Variants in SYNE1 observed in about 807,000 individuals in gnomAD.
SYNE1 encodes the protein nesprin-1.
Under a neutral mutation model 1,111.0 loss-of-function variants are expected in SYNE1, and 616 were observed. The ratio of observed to expected loss-of-function variants is 0.55; its 90% confidence interval spans 0.52 to 0.59. The LOEUF (loss-of-function observed/expected upper bound fraction) is 0.59. Ranked by LOEUF, SYNE1 falls within the 20% of genes least tolerant of loss-of-function variation. The pLI is 0.00. For synonymous variants in SYNE1, 3,855 were observed against 3,825.8 expected (o/e 1.01, Z -0.28); for missense variants, 10,006 against 10,417.0 (o/e 0.96, Z 1.72).
Position 152,398,697 on chromosome 6 carries a change from T to C in SYNE1, c.7272A>G (p.Gly2424=). The C allele has an allele frequency of 1.2e-6, 2 of 1,613,778 alleles. No homozygotes were observed. The highest frequency in any genetic ancestry group is 1.7e-6 in the Non-Finnish European group (2 of 1,179,842). Residue 2424 remains glycine, a synonymous_variant, in exon 49 of 146, where the codon GGA becomes GGG. Coordinates refer to ENST00000367255, the MANE Select transcript of SYNE1 (RefSeq NM_182961.4). Reference sequence around the variant, plus strand: ...ATGATTCTTTTGCTGCTGCCTTTGCTCCCAAAAACCATTCTTGGAATTCCT... The same window carrying C: ...ATGATTCTTTTGCTGCTGCCTTTGCCCCCAAAAACCATTCTTGGAATTCCT... ...SMQEFQEWFL[G]AKAAAKESSD...
intron 128 of SYNE1, among the ~76,000 whole-genome samples, chr6:152,182,754 G>A (rs1587088038): frequency 6.6e-6 from 1 of 152,122 alleles, no homozygotes; most frequent in South Asian, 2.1e-4. Flanking sequence ...GTATCCCAAG[G>A]CCAGCCTTAG....
intron 3 of SYNE1, among the ~76,000 whole-genome samples, chr6:152,622,460 C>A (rs1457411068): frequency 6.6e-6 from 1 of 152,062 alleles, no homozygotes; most frequent in Non-Finnish European, 1.5e-5. Flanking sequence ...TGTTGTTCCC[C>A]TCTATGTGTC....
chr6:152,145,149 T>C (rs563668664), intron 137 of SYNE1: 3 of 361,426 alleles, frequency 8.3e-6, no homozygotes, highest in Admixed American at 3.9e-5. Context: ...GCAGTGAAGC[T>C]GAAATTACCA....
Position 152,350,777 on chromosome 6 carries a change from T to C in SYNE1, c.11581-7A>G. On this transcript the variant is annotated splice_region_variant and splice_polypyrimidine_tract_variant and intron_variant, in intron 70 of 145. Coordinates refer to ENST00000367255, the MANE Select transcript of SYNE1 (RefSeq NM_182961.4). ...GCACCGTTTGTTGAAGTGACTTGAA[T>C]TACAAAGAAAAAAAAATGAGCCTGC... 6.4e-7 allele frequency: 1 copy of C among 1,564,258 alleles called. No individual in the cohort carries two copies. The highest frequency in any genetic ancestry group is 1.6e-5 in the African/African-American group (1 of 63,560).
intron 95 of SYNE1, among the ~76,000 whole-genome samples, chr6:152,288,597 A>C (rs1329000927): frequency 6.6e-6 from 1 of 152,172 alleles, no homozygotes; most frequent in African/African-American, 2.4e-5. Context: ...CCCAGGCTGG[A>C]GTGCAGTGGC....
chr6:152,315,891 G>A (rs1037127967), intron 87 of SYNE1: 1 of 152,116 alleles, frequency 6.6e-6, no homozygotes, highest in Non-Finnish European at 1.5e-5. Flanking sequence ...TCCAAAAATG[G>A]AAAAATGAGG....
intron 29 of SYNE1, among the ~76,000 whole-genome samples, chr6:152,445,559 C>T (rs2098577562): frequency 6.6e-6 from 1 of 151,960 alleles, no homozygotes; most frequent in Non-Finnish European, 1.5e-5. Flanking sequence ...TTTTCTTTGA[C>T]TCTCTTCTGA....
At position 152,148,304 on chromosome 6, in the gene SYNE1, G is replaced by A; in HGVS notation, c.24717C>T (p.His8239=). ...GGCTGTCTGCAGAGCGGTCGTGCCA[G>A]TGCAGGTCCGACAGAGCTGCAGAGT... ...LEDSAALSDL[H]WHDRSADSLL... The change falls in exon 137 of 146, where the codon CAC becomes CAT. Residue 8239 remains histidine, a synonymous_variant. Coordinates refer to ENST00000367255, the MANE Select transcript of SYNE1 (RefSeq NM_182961.4). This position sits in a 1 kb window ranked among gnomAD's most constrained non-coding sequence, Gnocchi z 4.1. 6.2e-7 allele frequency: 1 copy of A among 1,614,080 alleles called. No individual in the cohort carries two copies. The highest frequency in any genetic ancestry group is 8.5e-7 in the Non-Finnish European group (1 of 1,179,972).
intron 145 of SYNE1, among the ~76,000 whole-genome samples, chr6:152,124,820 A>T (rs1186838138): frequency 1.3e-5 from 2 of 152,252 alleles, no homozygotes; most frequent in Non-Finnish European, 2.9e-5. Flanking sequence ...ATGTTGAGAC[A>T]GGGCCTTAGA....
intron 73 of SYNE1, among the ~76,000 whole-genome samples, chr6:152,344,926 T>C (rs574853232): frequency 6.6e-6 from 1 of 152,344 alleles, no homozygotes; most frequent in South Asian, 2.1e-4. Context: ...CTGGGATGTT[T>C]CCATTTAGGA....
Position 152,179,974 on chromosome 6 carries a change from C to T in SYNE1, c.23460+162G>A, listed in dbSNP as rs117399856. Among the ~76,000 whole-genome samples, 1,197 of 152,074 alleles carry T rather than the reference C, an allele frequency of 7.9e-3. 10 individuals are homozygous for T. The highest frequency in any genetic ancestry group is 0.012 in the Non-Finnish European group (793 of 67,980). On this transcript the variant is annotated intron_variant, in intron 129 of 145. Transcript: ENST00000367255. ...CTGGGATTACAGGCGTGAGCCACTG[C>T]GCCCAGCTGCAAGTTTATTTTATAT...
At chr6:152,634,720 G>T (rs1315128295) in intron 2 of SYNE1, among the ~76,000 whole-genome samples, 1 of 152,216 alleles carries the variant, frequency 6.6e-6, no homozygotes, top group Non-Finnish European at 1.5e-5. Context: ...CAGCATGAAA[G>T]ATGTTCAGTG....
intron 11 of SYNE1, among the ~76,000 whole-genome samples, chr6:152,490,149 TA>T (rs2098962589): frequency 6.6e-6 from 1 of 152,238 alleles, no homozygotes; most frequent in African/African-American, 2.4e-5. Context: ...AACAGCTATT[TA>T]AATAGCATTT....
intron 127 of SYNE1, among the ~76,000 whole-genome samples, chr6:152,192,585 C>G (rs986565230): frequency 1.3e-5 from 2 of 152,080 alleles, no homozygotes; most frequent in African/African-American, 4.8e-5. Flanking sequence ...GATTCTCCCA[C>G]CTCAGCCTCT....
At chr6:152,171,912 C>T (rs1266013039) in intron 130 of SYNE1, among the ~76,000 whole-genome samples, 7 of 152,198 alleles carry the variant, frequency 4.6e-5, no homozygotes, top group Non-Finnish European at 8.8e-5. Context: ...TGGTCCTCTA[C>T]AGAAAACATT....
chr6:152,312,096 T>C (rs1982820), intron 87 of SYNE1, among the ~76,000 whole-genome samples: 126,468 of 152,178 alleles, frequency 0.83, 52,753 homozygotes, highest in East Asian at 0.99. Flanking sequence ...CGATAGACTT[T>C]TTTTAATGAA....
intron 130 of SYNE1, among the ~76,000 whole-genome samples, chr6:152,167,495 G>A (rs1324451): frequency 0.61 from 93,081 of 151,984 alleles, 28,987 homozygotes; most frequent in East Asian, 0.88. Flanking sequence ...TATTCTAACT[G>A]AAAAAAATCA....
chr6:152,236,944 C>G lies in SYNE1; in HGVS notation c.20072G>C (p.Trp6691Ser). 6.2e-7 allele frequency: 1 copy of G among 1,613,850 alleles called. No individual in the cohort carries two copies. The highest frequency in any genetic ancestry group is 2.2e-5 in the East Asian group (1 of 44,846). ...CTGCTGGTCCTCATCCAGATGGGAC[C>G]ACGTCTAGAAACACAACATGAGTCT... The part of the protein sequence containing the change: ...GVELEYILET[W>S]SHLDEDQQEL... The change falls in exon 109 of 146, where the codon TGG becomes TCG. Residue 6691 changes from tryptophan (W) to serine (S), a missense_variant. Physicochemically the swap from Trp to Ser is radical, Grantham distance 177. Around this residue, in one of 7 missense-constraint regions of SYNE1, gnomAD observed 2,182 missense variants for 2,287.8 expected, o/e 0.95. Transcript: ENST00000367255.
intron 137 of SYNE1, 45 bp from the exon 138 acceptor site, chr6:152,143,810 C>T: frequency 6.2e-7 from 1 of 1,613,680 alleles, no homozygotes; most frequent in South Asian, 1.1e-5. Flanking sequence ...AACTATTTGA[C>T]TTATTTAAAG....
Sources: gnomAD v4.1 joint callset for allele counts (sites outside exome capture counted in the v4.1 genomes callset) on GRCh38, gnomAD v4.1.1 for gene constraint, gnomAD v4.1.1 regional missense constraint, Gnocchi (gnomAD v3.1) non-coding constraint, MANE v1.5 for transcripts, NCBI Gene and HGNC (gene_info 2026-07-23, HGNC 2026-07-21) for gene names.